The following NDFIP2 variants were observed in gnomAD, a reference collection of about 807,000 sequenced individuals.
NDFIP2 encodes Nedd4 family interacting protein 2.
NDFIP2 carries 19 observed loss-of-function variants against 36.0 expected under a neutral mutation model. The ratio of observed to expected loss-of-function variants is 0.53; its 90% CI spans 0.37 to 0.77. The LOEUF is 0.77. Among genes scored for constraint, NDFIP2 ranks in the 30% least tolerant of loss-of-function variants. The pLI is 0.00. For synonymous variants in NDFIP2, 181 were observed against 167.7 expected (o/e 1.08, Z -0.61); for missense variants, 446 against 435.8 (o/e 1.02, Z -0.21).
At chr13:79,520,144 G>A (rs767988675) in intron 1 of NDFIP2, among the ~76,000 whole-genome samples, 6 of 152,022 alleles carry the variant, frequency 3.9e-5, no homozygotes, top group Non-Finnish European at 8.8e-5. Context: ...CCTACTTAGC[G>A]TACTCCACAT....
chr13:79,481,296 G>T lies in NDFIP2; in HGVS notation c.93G>T (p.Ala31=), dbSNP rs1321217678. 1.3e-6 allele frequency: 2 copies of T among 1,540,262 alleles called. No individual in the cohort carries two copies. Among genetic ancestry groups the T allele is most frequent in the Admixed American group, 2.0e-5 (1 of 50,940 alleles). Residue 31 remains alanine, a synonymous_variant, in exon 1 of 8, where the codon GCG becomes GCT. Coordinates refer to ENST00000218652, the MANE Select transcript of NDFIP2 (RefSeq NM_019080.3). ...CCCCGGAGCTTCTCCGCGGAACCGC[G>T]ACCAACGCGGAGGTCTCGGCGGCCG... The part of the protein sequence containing the change: ...RGAPELLRGT[A]TNAEVSAAAA...
Position 79,543,773 on chromosome 13 carries a change from A to G in NDFIP2, c.840+91A>G, listed in dbSNP as rs1489617705. 7.4e-6 allele frequency: 11 copies of G among 1,478,136 alleles called. No homozygotes were observed. In the East Asian group the frequency reaches 2.5e-4, roughly 34 times the overall value. The allele number at this position is 1,478,136 out of a possible 1,614,324, so 91.6% of individuals were successfully genotyped here. A position where few individuals can be genotyped will look rare whatever the true frequency, so the allele number is the denominator to read the frequency against. On this transcript the variant is annotated intron_variant, in intron 5 of 7. Coordinates refer to ENST00000218652, the MANE Select transcript of NDFIP2 (RefSeq NM_019080.3). ...GTTCATAAATGGTCACTTTATTTTC[A>G]TGAATTCAGTTATTTCAAGGCTTAT...
In NDFIP2 at chr13:79,497,825, T is replaced by C. The variant is rs572677762; in HGVS notation, c.321+16301T>C. Among the ~76,000 whole-genome samples, 4 of 151,596 alleles carry C rather than the reference T, an allele frequency of 2.6e-5. No homozygotes were observed. In the East Asian group the frequency reaches 5.8e-4, roughly 22 times the overall value. On this transcript the variant is annotated intron_variant, in intron 1 of 7. Transcript: ENST00000218652. ...GTGTGTGTGTGTGTGTGTGTGTGTGTGTGTATGTGTGTACTTGTTGATCTT... is the reference window on the plus strand; with the variant it reads ...GTGTGTGTGTGTGTGTGTGTGTGTGCGTGTATGTGTGTACTTGTTGATCTT...
chr13:79,501,566 G>A (rs1873668915), intron 1 of NDFIP2, among the ~76,000 whole-genome samples: 1 of 152,086 alleles, frequency 6.6e-6, no homozygotes, highest in African/African-American at 2.4e-5. Flanking sequence ...GTGAGTGATA[G>A]TGTGTATATA....
At chr13:79,532,362 A>G (rs1218016363) in intron 2 of NDFIP2, among the ~76,000 whole-genome samples, 1 of 152,218 alleles carries the variant, frequency 6.6e-6, no homozygotes, top group Non-Finnish European at 1.5e-5. Context: ...AATGGAGGAA[A>G]ATACAAAAGT....
chr13:79,484,295 G>A (rs2079830768), intron 1 of NDFIP2, among the ~76,000 whole-genome samples: 1 of 152,250 alleles, frequency 6.6e-6, no homozygotes, highest in Admixed American at 6.5e-5. Flanking sequence ...GATTACAGGT[G>A]TGAGCCACAG....
chr13:79,536,596 T>A (rs1298404160), intron 3 of NDFIP2, among the ~76,000 whole-genome samples: 1 of 152,218 alleles, frequency 6.6e-6, no homozygotes, highest in South Asian at 2.1e-4. Flanking sequence ...AAACATCTTA[T>A]ATAAATATTT....
At chr13:79,511,070 A>G (rs534211551) in intron 1 of NDFIP2, among the ~76,000 whole-genome samples, 2 of 151,960 alleles carry the variant, frequency 1.3e-5, no homozygotes, top group South Asian at 4.2e-4. Context: ...CAGACAACAG[A>G]TGGTGAATGT....
chr13:79,481,578 G>T, intron 1 of NDFIP2, 54 bp downstream of exon 1: 1 of 1,501,448 alleles, frequency 6.7e-7, no homozygotes, highest in Non-Finnish European at 8.9e-7. Context: ...GCGGCGTCCC[G>T]AGAGTCCCTT....
chr13:79,541,832 G>C (rs543015917), intron 4 of NDFIP2, among the ~76,000 whole-genome samples: 112 of 152,088 alleles, frequency 7.4e-4, no homozygotes, highest in African/African-American at 2.3e-3. Flanking sequence ...AAAACCTTTT[G>C]GTGGCTTAAT....
intron 1 of NDFIP2, among the ~76,000 whole-genome samples, chr13:79,493,207 T>G (rs555670786): frequency 6.6e-6 from 1 of 152,316 alleles, no homozygotes; most frequent in East Asian, 1.9e-4. Flanking sequence ...AATAAATGAA[T>G]GTCTTTTCTG....
At position 79,533,352 on chromosome 13, in the gene NDFIP2, G is replaced by A. The variant is rs775126701; in HGVS notation, c.517G>A (p.Val173Met). The A allele has an allele frequency of 5.6e-6, 9 of 1,607,546 alleles. No individual in the cohort carries two copies. Among genetic ancestry groups the A allele is most frequent in the Admixed American group, 3.4e-5 (2 of 59,264 alleles). Residue 173 changes from valine (V) to methionine (M), a missense_variant, in exon 3 of 8, where the codon GTG (valine) becomes ATG (methionine). Physicochemically the swap from Val to Met is conservative, Grantham distance 21. Transcript: ENST00000218652. ...DTEVYGEFYP[V>M]PPPYSVATSL... ...AGAAGTTTACGGTGAGTTTTATCCC[G>A]TGCCACCTCCCTATAGCGTTGCTAC...
chr13:79,481,803 C>G (rs2079815316), intron 1 of NDFIP2, among the ~76,000 whole-genome samples: 1 of 152,152 alleles, frequency 6.6e-6, no homozygotes, highest in South Asian at 2.1e-4. Flanking sequence ...ACACACCTTA[C>G]AACTTGTATC....
chr13:79,498,801 G>C (rs752146733), intron 1 of NDFIP2, among the ~76,000 whole-genome samples: 30 of 151,870 alleles, frequency 2.0e-4, no homozygotes, highest in Admixed American at 3.3e-4. Flanking sequence ...TTTCCATCAC[G>C]GGAGTTTTGG....
At chr13:79,551,686 G>A (rs1875915297) in intron 7 of NDFIP2, among the ~76,000 whole-genome samples, 2 of 151,406 alleles carry the variant, frequency 1.3e-5, no homozygotes, top group African/African-American at 4.8e-5. Flanking sequence ...GCTACAACTT[G>A]AATAAGTAGG....
At chr13:79,525,473 C>T (rs560109034) in intron 2 of NDFIP2, among the ~76,000 whole-genome samples, 36 of 152,196 alleles carry the variant, frequency 2.4e-4, no homozygotes, top group Middle Eastern at 3.4e-3. Flanking sequence ...TTACAGGTAG[C>T]GCTTTATGGC....
chr13:79,537,891 G>A (rs1321895484), intron 3 of NDFIP2, among the ~76,000 whole-genome samples: 2 of 152,178 alleles, frequency 1.3e-5, no homozygotes, highest in Admixed American at 6.5e-5. Context: ...CAAGACTGGG[G>A]AATTTATAAA....
intron 4 of NDFIP2, among the ~76,000 whole-genome samples, chr13:79,542,470 C>T (rs1026775422): frequency 2.5e-4 from 37 of 150,784 alleles, no homozygotes; most frequent in Middle Eastern, 3.2e-3. Context: ...TGTCCTTGCC[C>T]GTATTTGGTG....
At chr13:79,482,583 T>C (rs1218768439) in intron 1 of NDFIP2, among the ~76,000 whole-genome samples, 1 of 152,018 alleles carries the variant, frequency 6.6e-6, no homozygotes, top group Non-Finnish European at 1.5e-5. Flanking sequence ...AATTTAGGTA[T>C]GTTAGTCCCA....
Sources: allele counts gnomAD v4.1 joint callset (sites outside exome capture counted in the v4.1 genomes callset), GRCh38; gene constraint gnomAD v4.1.1; transcripts MANE v1.5; gene names NCBI Gene and HGNC (gene_info 2026-07-23, HGNC 2026-07-21).